The following GRM8 variants were observed in gnomAD, a reference collection of about 807,000 sequenced individuals.
The protein encoded by GRM8 is glutamate metabotropic receptor 8.
Under a neutral mutation model 87.2 loss-of-function variants are expected in GRM8, and 47 were observed. That is an observed-to-expected ratio of 0.54 (90% CI 0.43 to 0.69). The LOEUF (loss-of-function observed/expected upper bound fraction) is 0.69. GRM8 is among the 30% of genes least tolerant of loss of function. The pLI, the probability that GRM8 is intolerant of heterozygous loss-of-function variation, is 0.00. For synonymous variants in GRM8, 396 were observed against 404.5 expected (o/e 0.98, Z 0.25); for missense variants, 1,019 against 1,139.2 (o/e 0.89, Z 1.52).
At chr7:126,603,899 C>G (rs1256214783) in intron 8 of GRM8, among the ~76,000 whole-genome samples, 1 of 152,084 alleles carries the variant, frequency 6.6e-6, no homozygotes, top group Non-Finnish European at 1.5e-5. Flanking sequence ...TGTTTCAACT[C>G]TATTCAGTCC....
intron 7 of GRM8, among the ~76,000 whole-genome samples, chr7:126,614,532 A>G (rs1385112505): frequency 6.6e-6 from 1 of 152,226 alleles, no homozygotes; most frequent in Admixed American, 6.5e-5. Flanking sequence ...ATGGAGAATG[A>G]CTTTGACAAG....
chr7:126,910,793 G>T (rs1273170968), intron 3 of GRM8, among the ~76,000 whole-genome samples: 3 of 152,154 alleles, frequency 2.0e-5, no homozygotes, highest in African/African-American at 7.2e-5. Context: ...TGGGTGAGTG[G>T]TCAGGTGTCA....
At chr7:126,914,811 G>A (rs1188818331) in intron 3 of GRM8, among the ~76,000 whole-genome samples, 1 of 152,200 alleles carries the variant, frequency 6.6e-6, no homozygotes, top group African/African-American at 2.4e-5. Flanking sequence ...TTCCTATTGG[G>A]TACTATGTTC....
intron 2 of GRM8, among the ~76,000 whole-genome samples, chr7:127,225,432 C>T (rs1797259974): frequency 6.6e-6 from 1 of 151,640 alleles, no homozygotes; most frequent in African/African-American, 2.4e-5. Context: ...AGTACATTTG[C>T]ACTCTGTTTA....
At chr7:127,250,184 C>T (rs896517101) in intron 1 of GRM8, among the ~76,000 whole-genome samples, 6 of 152,158 alleles carry the variant, frequency 3.9e-5, no homozygotes, top group African/African-American at 1.2e-4. Context: ...TGCATAAATA[C>T]CAATTAAACA....
intron 6 of GRM8, among the ~76,000 whole-genome samples, chr7:126,793,320 G>C (rs1364667596): frequency 6.6e-6 from 1 of 152,170 alleles, no homozygotes; most frequent in African/African-American, 2.4e-5. Flanking sequence ...AGAAGGTTAT[G>C]ATAGAGTGGA....
intron 3 of GRM8, among the ~76,000 whole-genome samples, chr7:127,102,981 G>C (rs1033791057): frequency 6.6e-6 from 1 of 152,214 alleles, no homozygotes; most frequent in Non-Finnish European, 1.5e-5. Context: ...TCCTGCCTCA[G>C]CCTCCCAAGT....
intron 2 of GRM8, among the ~76,000 whole-genome samples, chr7:127,115,554 G>T (rs1826650479): frequency 6.6e-6 from 1 of 152,102 alleles, no homozygotes; most frequent in Non-Finnish European, 1.5e-5. Flanking sequence ...ATGGCATTTT[G>T]ACTTCTAACC....
At chr7:126,555,611 TTA>T (rs1289240334) in intron 8 of GRM8, among the ~76,000 whole-genome samples, 1 of 152,242 alleles carries the variant, frequency 6.6e-6, no homozygotes, top group Non-Finnish European at 1.5e-5. Flanking sequence ...CAAATTATTT[TTA>T]AAGCAAAACA....
At chr7:127,149,121 A>G (rs978397189) in intron 2 of GRM8, among the ~76,000 whole-genome samples, 12 of 152,046 alleles carry the variant, frequency 7.9e-5, no homozygotes, top group African/African-American at 2.2e-4. Context: ...GAAAACAATC[A>G]ACAAAATGAA....
intron 7 of GRM8, among the ~76,000 whole-genome samples, chr7:126,710,684 C>G (rs1367750567): frequency 6.6e-6 from 1 of 152,150 alleles, no homozygotes; most frequent in South Asian, 2.1e-4. Context: ...AAGTCTTGAA[C>G]CCTTTAAATT....
At chr7:126,739,434 C>T (rs1814675201) in intron 7 of GRM8, among the ~76,000 whole-genome samples, 1 of 151,000 alleles carries the variant, frequency 6.6e-6, no homozygotes, top group Non-Finnish European at 1.5e-5. Context: ...ACACACACCA[C>T]ATACAAAACA....
At chr7:126,723,290 T>A (rs1050715981) in intron 7 of GRM8, among the ~76,000 whole-genome samples, 2 of 152,076 alleles carry the variant, frequency 1.3e-5, no homozygotes, top group African/African-American at 4.8e-5. Flanking sequence ...TTACATTTCT[T>A]TATTTCACCT....
At chr7:126,786,295 T>A (rs1017069909) in intron 6 of GRM8, among the ~76,000 whole-genome samples, 3 of 152,222 alleles carry the variant, frequency 2.0e-5, no homozygotes, top group African/African-American at 7.2e-5. Flanking sequence ...TCTTTTCTAG[T>A]TTCACCTACT....
chr7:127,052,053 T>C (rs1395795336), intron 3 of GRM8, among the ~76,000 whole-genome samples: 2 of 152,254 alleles, frequency 1.3e-5, no homozygotes, highest in Admixed American at 6.5e-5. Flanking sequence ...CTTATATGAC[T>C]TGATGTATTT....
chr7:126,572,446 C>T (rs1168368668), intron 8 of GRM8, among the ~76,000 whole-genome samples: 1 of 152,170 alleles, frequency 6.6e-6, no homozygotes, highest in Non-Finnish European at 1.5e-5. Context: ...GGCTGCTCTG[C>T]ACAGGGAATG....
chr7:127,085,799 T>C, intron 3 of GRM8, among the ~76,000 whole-genome samples: 1 of 152,232 alleles, frequency 6.6e-6, no homozygotes, highest in East Asian at 1.9e-4. Context: ...GCAGAAGCTC[T>C]TTAGTTTAAT....
At chr7:127,138,054 G>C (rs1413264378) in intron 2 of GRM8, among the ~76,000 whole-genome samples, 2 of 152,006 alleles carry the variant, frequency 1.3e-5, no homozygotes, top group African/African-American at 4.8e-5. Context: ...TCTCTAAACT[G>C]GTTCTCCAAT....
rs796761286 is a variant in GRM8, at chr7:126,636,145, C to T, written c.1358-26647G>A. On this transcript the variant is annotated intron_variant, in intron 7 of 10. Transcript: ENST00000339582. ...GCTTTATGCATTCTGATTTAAATGC[C>T]TTTTGGAATTGGGATTTCTGAAGTT... Among the ~76,000 whole-genome samples, 27 of 152,046 alleles carry T rather than the reference C, an allele frequency of 1.8e-4. 1 individual carries two copies. Among genetic ancestry groups the T allele is most frequent in the African/African-American group, 6.5e-4 (27 of 41,496 alleles).
Sources: allele counts gnomAD v4.1 joint callset (sites outside exome capture counted in the v4.1 genomes callset), GRCh38; gene constraint gnomAD v4.1.1; transcripts MANE v1.5; gene names NCBI Gene and HGNC (gene_info 2026-07-23, HGNC 2026-07-21).